Variants in PAPPA2 observed in about 807,000 individuals in gnomAD.
PAPPA2 encodes pappalysin 2, also known as pappalysin-2.
A neutral mutation model predicts 176.4 loss-of-function variants in PAPPA2; 86 were observed. That is an observed-to-expected ratio of 0.49 (90% CI 0.41 to 0.58). The LOEUF is 0.58. Ranked by LOEUF, PAPPA2 falls within the 20% of genes least tolerant of loss-of-function variation. The probability of loss-of-function intolerance (pLI) is 0.00; values close to 1 mark genes in which losing one functional copy is unlikely to be tolerated. For synonymous variants in PAPPA2, 809 were observed against 852.2 expected (o/e 0.95, Z 0.88); for missense variants, 2,073 against 2,256.9 (o/e 0.92, Z 1.65).
At chr1:176,667,247 A>G (rs981090454) in intron 3 of PAPPA2, among the ~76,000 whole-genome samples, 1 of 127,720 alleles carries the variant, frequency 7.8e-6, no homozygotes. Flanking sequence ...ACTCGGTCTC[A>G]AAAAAAAAAA....
intron 2 of PAPPA2, among the ~76,000 whole-genome samples, chr1:176,584,281 T>A (rs934467182): frequency 6.6e-6 from 1 of 152,200 alleles, no homozygotes; most frequent in African/African-American, 2.4e-5. Context: ...GCTCTACCTT[T>A]AGATCTGATA....
At chr1:176,837,793 A>G (rs556582838) in intron 21 of PAPPA2, among the ~76,000 whole-genome samples, 50 of 152,326 alleles carry the variant, frequency 3.3e-4, no homozygotes, top group African/African-American at 1.1e-3. Flanking sequence ...TTTCTAGTCT[A>G]TATCCAGTCT....
intron 10 of PAPPA2, among the ~76,000 whole-genome samples, chr1:176,709,183 A>G (rs1426404237): frequency 1.3e-5 from 2 of 152,156 alleles, no homozygotes; most frequent in East Asian, 1.9e-4. Flanking sequence ...ATATTCATTT[A>G]TCACCTGTTT....
intron 21 of PAPPA2, among the ~76,000 whole-genome samples, chr1:176,819,572 A>G (rs1215710284): frequency 2.0e-5 from 3 of 152,188 alleles, no homozygotes; most frequent in Non-Finnish European, 4.4e-5. Flanking sequence ...TGGCTCTCAA[A>G]TGAGATAATG....
chr1:176,536,516 G>C (rs1357844976), intron 1 of PAPPA2, among the ~76,000 whole-genome samples: 1 of 152,194 alleles, frequency 6.6e-6, no homozygotes, highest in Non-Finnish European at 1.5e-5. Context: ...AAGGTTGGCT[G>C]CAGGTTGGCT....
intron 1 of PAPPA2, among the ~76,000 whole-genome samples, chr1:176,489,417 A>G (rs935155738): frequency 6.6e-6 from 1 of 152,196 alleles, no homozygotes; most frequent in Non-Finnish European, 1.5e-5. Context: ...TGAATACTTT[A>G]TAGAAAGTAG....
At chr1:176,661,749 T>C (rs1658372738) in intron 3 of PAPPA2, among the ~76,000 whole-genome samples, 1 of 151,896 alleles carries the variant, frequency 6.6e-6, no homozygotes, top group South Asian at 2.1e-4. Flanking sequence ...TCCAAATCCC[T>C]GGGTGCAAAG....
chr1:176,750,101 C>A (rs760122467), intron 14 of PAPPA2, among the ~76,000 whole-genome samples: 28 of 152,042 alleles, frequency 1.8e-4, no homozygotes, highest in South Asian at 4.2e-4. Context: ...CAATGGCATC[C>A]TCAGATCTTT....
intron 1 of PAPPA2, chr1:176,537,275 T>C (rs1443414495): frequency 6.6e-6 from 1 of 152,206 alleles, no homozygotes; most frequent in African/African-American, 2.4e-5. Context: ...GCTGACTCAA[T>C]GGACACCCAC....
chr1:176,666,561 A>ATGTGTGTGTG (rs139660279), intron 3 of PAPPA2, among the ~76,000 whole-genome samples: 28 of 109,522 alleles, frequency 2.6e-4, no homozygotes, highest in Admixed American at 1.2e-3. Flanking sequence ...GTAAATATAT[A>ATGTGTGTGTG]TGTGTGTGTG....
intron 14 of PAPPA2, among the ~76,000 whole-genome samples, chr1:176,754,144 C>G (rs925978758): frequency 2.0e-5 from 3 of 150,666 alleles, no homozygotes; most frequent in Non-Finnish European, 4.4e-5. Flanking sequence ...TTTATTGAAA[C>G]ATTACTTTGT....
rs1230629656 is a variant in PAPPA2, at chr1:176,646,031, T to C, written c.1992-24939T>C. ...ATAGTTTGCAAATATTTTCTTTCAT[T>C]CTATGGGTTGTCTTTTCACTAGTTG... is the stretch of plus-strand genomic sequence containing the variant. On this transcript the variant is annotated intron_variant, in intron 3 of 22. Transcript: ENST00000367662. 2.0e-5 allele frequency among the ~76,000 whole-genome samples: 3 copies of C among 151,856 alleles called. No homozygotes were observed. In the East Asian group the frequency reaches 5.8e-4, roughly 29 times the overall value.
At chr1:176,545,504 A>ATACCC (rs1370804139) in intron 1 of PAPPA2, among the ~76,000 whole-genome samples, 2 of 152,092 alleles carry the variant, frequency 1.3e-5, no homozygotes, top group East Asian at 3.9e-4. Flanking sequence ...TCTTGCCATT[A>ATACCC]TACCATAATC....
At chr1:176,674,986 A>G (rs2102780789) in intron 4 of PAPPA2, among the ~76,000 whole-genome samples, 1 of 152,014 alleles carries the variant, frequency 6.6e-6, no homozygotes, top group South Asian at 2.1e-4. Context: ...TTGCAGGAGT[A>G]ATGTGGTATC....
intron 21 of PAPPA2, among the ~76,000 whole-genome samples, chr1:176,816,442 A>G (rs919842762): frequency 6.6e-5 from 10 of 150,790 alleles, no homozygotes; most frequent in African/African-American, 2.4e-4. Flanking sequence ...GAGGTACCAG[A>G]TGCCTCTAAT....
rs142264582 is a variant in PAPPA2, at chr1:176,578,636, A to G, written c.920-15888A>G. On this transcript the variant is annotated intron_variant, in intron 2 of 22. Transcript: ENST00000367662. ...AGGCTCAGCAACCTGCAACAAGATC[A>G]CTTTTACTAAGGTAGTCAAGGAAGA... Among the ~76,000 whole-genome samples the G allele has an allele frequency of 8.5e-5, 13 of 152,302 alleles. 1 individual carries two copies. Among genetic ancestry groups the G allele is most frequent in the South Asian group, 2.1e-4 (1 of 4,834 alleles).
intron 6 of PAPPA2, among the ~76,000 whole-genome samples, chr1:176,695,508 A>G (rs1376935967): frequency 1.3e-5 from 2 of 152,140 alleles, no homozygotes; most frequent in African/African-American, 4.8e-5. Flanking sequence ...TTTATGACTT[A>G]GTTAATTTTT....
Position 176,789,731 on chromosome 1 carries a change from C to A in PAPPA2, c.4716-78C>A. 3.4e-6 allele frequency: 5 copies of A among 1,483,928 alleles called. No individual in the cohort carries two copies. The South Asian group carries it at 6.1e-5, about 18-fold the overall frequency. The allele number at this position is 1,483,928 out of a possible 1,614,324, so 91.9% of individuals were successfully genotyped here. On this transcript the variant is annotated intron_variant, in intron 17 of 22. Transcript: ENST00000367662. Reference sequence around the variant, plus strand: ...CCCTGCCTATTTGCTAATTCTTATGCCATATTGCTGAGGATCAAGTCTTTC... The same window carrying A: ...CCCTGCCTATTTGCTAATTCTTATGACATATTGCTGAGGATCAAGTCTTTC...
At chr1:176,712,032 T>C (rs1271966107) in intron 12 of PAPPA2, 51 bp downstream of exon 12, 1 of 979,948 alleles carries the variant, frequency 1.0e-6, no homozygotes, top group Admixed American at 2.8e-5. Flanking sequence ...TAAGCATATG[T>C]GTGTGTGTGT....
Sources: allele counts gnomAD v4.1 joint callset (sites outside exome capture counted in the v4.1 genomes callset), GRCh38; gene constraint gnomAD v4.1.1; transcripts MANE v1.5; gene names NCBI Gene and HGNC (gene_info 2026-07-23, HGNC 2026-07-21).